The following ADCY1 variants were observed in gnomAD, a reference collection of about 807,000 sequenced individuals.
ADCY1 encodes the protein adenylate cyclase 1.
A neutral mutation model predicts 105.4 loss-of-function variants in ADCY1; 28 were observed. That is an observed-to-expected ratio of 0.27 (90% confidence interval 0.20 to 0.36). ADCY1 has a LOEUF of 0.36. ADCY1 is among the 10% of genes least tolerant of loss of function. The pLI, the probability that ADCY1 is intolerant of heterozygous loss-of-function variation, is 1.00. For missense variants in ADCY1, 977 were observed against 1,434.2 expected (o/e 0.68, Z 5.15); for synonymous variants, 655 against 623.8 (o/e 1.05, Z -0.75).
At chr7:45,678,846 A>G (rs1289680111) in intron 10 of ADCY1, among the ~76,000 whole-genome samples, 11 of 152,024 alleles carry the variant, frequency 7.2e-5, no homozygotes, top group Admixed American at 3.3e-4. Context: ...TGATCTCACC[A>G]CTACACTCCA....
At chr7:45,646,396 A>G (rs1016345515) in intron 4 of ADCY1, among the ~76,000 whole-genome samples, 1 of 152,180 alleles carries the variant, frequency 6.6e-6, no homozygotes, top group African/African-American at 2.4e-5. Flanking sequence ...CCATGTGTCC[A>G]GGTCACTTTT....
intron 1 of ADCY1, among the ~76,000 whole-genome samples, chr7:45,578,672 TG>T (rs1463892964): frequency 6.6e-6 from 1 of 152,206 alleles, no homozygotes; most frequent in Non-Finnish European, 1.5e-5. Flanking sequence ...AAGGGGGGCC[TG>T]GGCAGGGCCC....
At chr7:45,683,725 A>C (rs900165924) in intron 11 of ADCY1, among the ~76,000 whole-genome samples, 1 of 152,204 alleles carries the variant, frequency 6.6e-6, no homozygotes, top group Non-Finnish European at 1.5e-5. Context: ...GGTAACGCCC[A>C]GTTCATGATG....
intron 5 of ADCY1, among the ~76,000 whole-genome samples, chr7:45,653,716 T>A (rs764344249): frequency 2.0e-5 from 3 of 152,188 alleles, no homozygotes; most frequent in Non-Finnish European, 2.9e-5. Context: ...CTGTGTGAGG[T>A]CTGTGCTCAC....
intron 2 of ADCY1, 106 bp downstream of exon 2, chr7:45,593,014 C>A: frequency 6.2e-6 from 9 of 1,444,650 alleles, no homozygotes; most frequent in Non-Finnish European, 8.5e-6. Context: ...ACATGGGCCA[C>A]AATTCCCATT....
intron 1 of ADCY1, among the ~76,000 whole-genome samples, chr7:45,585,073 T>C (rs1792675800): frequency 6.6e-6 from 1 of 152,264 alleles, no homozygotes; most frequent in Admixed American, 6.5e-5. Flanking sequence ...TCAGTGGCAA[T>C]GCTCCCAGAA....
At chr7:45,704,118 A>G (rs932014653) in intron 16 of ADCY1, among the ~76,000 whole-genome samples, 1 of 151,500 alleles carries the variant, frequency 6.6e-6, no homozygotes, top group Non-Finnish European at 1.5e-5. Flanking sequence ...ACCCTTGTCT[A>G]CAGATGGGCA....
intron 1 of ADCY1, among the ~76,000 whole-genome samples, chr7:45,582,995 C>G (rs1792605801): frequency 6.6e-6 from 1 of 152,230 alleles, no homozygotes; most frequent in Non-Finnish European, 1.5e-5. Context: ...AGTGTTCGCT[C>G]TGCCTTCAGT....
chr7:45,707,953 T>TA (rs1445403855), intron 17 of ADCY1, among the ~76,000 whole-genome samples: 1 of 152,352 alleles, frequency 6.6e-6, no homozygotes, highest in East Asian at 1.9e-4. Flanking sequence ...GTCACACACA[T>TA]ACATGACGAT....
intron 11 of ADCY1, among the ~76,000 whole-genome samples, chr7:45,683,843 A>G (rs928852437): frequency 1.3e-5 from 2 of 152,234 alleles, no homozygotes; most frequent in African/African-American, 4.8e-5. Flanking sequence ...GTTACCTGCA[A>G]AAGATGGCAG....
At position 45,622,696 on chromosome 7, in the gene ADCY1, G is replaced by A; in HGVS notation, c.973G>A (p.Val325Met). The A allele has an allele frequency of 3.1e-6, 5 of 1,609,628 alleles. No homozygotes were observed. Among genetic ancestry groups the A allele is most frequent in the East Asian group, 2.3e-5 (1 of 43,968 alleles). ...ATCCCAGTGCACAGCCCAGGAGCTG[G>A]TGAAACTCCTCAATGAGCTCTTCGG... ...LASQCTAQEL[V>M]KLLNELFGKF... Residue 325 changes from valine to methionine, a missense_variant, in exon 4 of 20, where the codon GTG (valine) becomes ATG (methionine). Physicochemically the swap from Val to Met is conservative, Grantham distance 21. This residue lies in a region of ADCY1 where 196 missense variants were observed against 347.8 expected (regional missense o/e 0.56). Coordinates refer to ENST00000297323, the MANE Select transcript of ADCY1 (RefSeq NM_021116.4).
chr7:45,674,614 C>T (rs1784423102), intron 8 of ADCY1, among the ~76,000 whole-genome samples: 1 of 152,142 alleles, frequency 6.6e-6, no homozygotes, highest in Admixed American at 6.5e-5. Flanking sequence ...CTTCGTGATC[C>T]ACCCCACTTG....
intron 5 of ADCY1, among the ~76,000 whole-genome samples, chr7:45,652,332 T>G (rs113661251): frequency 0.047 from 7,151 of 152,270 alleles, 271 homozygotes; most frequent in Non-Finnish European, 0.068. Context: ...AAGCATCCCA[T>G]GCAGATTCCG....
chr7:45,688,539 G>A (rs572569174), intron 14 of ADCY1, among the ~76,000 whole-genome samples: 1 of 152,320 alleles, frequency 6.6e-6, no homozygotes, highest in East Asian at 1.9e-4. Flanking sequence ...AAAGACAGAA[G>A]CAGCTCAGTG....
intron 17 of ADCY1, among the ~76,000 whole-genome samples, chr7:45,707,715 A>G (rs1278456199): frequency 1.3e-5 from 2 of 152,214 alleles, no homozygotes; most frequent in African/African-American, 4.8e-5. Flanking sequence ...CAAATGTGTC[A>G]CACTTAGGTA....
chr7:45,617,779 G>A (rs935024068), intron 3 of ADCY1, among the ~76,000 whole-genome samples: 1 of 152,168 alleles, frequency 6.6e-6, no homozygotes, highest in African/African-American at 2.4e-5. Context: ...TGGATTGGAA[G>A]AATGTTACTA....
In ADCY1 at chr7:45,715,232, G is replaced by A. The variant is rs113114486; in HGVS notation, c.*1237G>A. The stretch of plus-strand genomic sequence containing the variant: ...GCACTATCCAGAAATAGTGGACAGA[G>A]GTCTGGCATGTGGAAACCTTGGATC... On this transcript the variant is annotated 3_prime_UTR_variant, in exon 20 of 20. Coordinates refer to ENST00000297323, the MANE Select transcript of ADCY1 (RefSeq NM_021116.4). 1,333 of 152,556 alleles carry A rather than the reference G, an allele frequency of 8.7e-3. 16 individuals carry two copies. Among genetic ancestry groups the A allele is most frequent in the African/African-American group, 0.03 (1,241 of 41,574 alleles). The allele number at this position is 152,556 out of a possible 1,614,324, so 9.5% of individuals were successfully genotyped here.
Position 45,704,609 on chromosome 7 carries a change from G to A in ADCY1, c.2810G>A (p.Gly937Glu). 2.5e-6 allele frequency: 4 copies of A among 1,613,770 alleles called. No homozygotes were observed. Among genetic ancestry groups the A allele is most frequent in the Non-Finnish European group, 3.4e-6 (4 of 1,179,758 alleles). The part of the protein sequence containing the change: ...MAAVGLAPTS[G>E]TKAKKSISSH... ...GCTGTGGGGCTAGCGCCCACCTCGG[G>A]GACCAAGGTGAGTGCAGCCTGGCGC... The change falls in exon 17 of 20, where the codon GGG (glycine) becomes GAG (glutamate). Residue 937 changes from glycine to glutamate, a missense_variant. By Grantham distance (98) the Gly-to-Glu change is moderately conservative. Coordinates refer to ENST00000297323, the MANE Select transcript of ADCY1 (RefSeq NM_021116.4).
At chr7:45,615,052 CA>C (rs1793700544) in intron 3 of ADCY1, among the ~76,000 whole-genome samples, 1 of 152,078 alleles carries the variant, frequency 6.6e-6, no homozygotes, top group Non-Finnish European at 1.5e-5. Context: ...GCGGACATTA[CA>C]AAACTCAAAA....
Sources: gnomAD v4.1 joint callset for allele counts (sites outside exome capture counted in the v4.1 genomes callset) on GRCh38, gnomAD v4.1.1 for gene constraint, gnomAD v4.1.1 regional missense constraint, MANE v1.5 for transcripts, NCBI Gene and HGNC (gene_info 2026-07-23, HGNC 2026-07-21) for gene names.